ARHGAP26: variants seen among roughly 807,000 people sequenced by gnomAD.
The protein encoded by ARHGAP26 is Rho GTPase activating protein 26.
ARHGAP26 carries 38 observed loss-of-function variants against 104.8 expected under a neutral mutation model. That is an observed-to-expected ratio of 0.36 (90% CI 0.28 to 0.48). The LOEUF is 0.48. Among genes scored for constraint, ARHGAP26 ranks in the 20% least tolerant of loss-of-function variants. ARHGAP26 has a pLI of 0.99. For missense variants in ARHGAP26, 704 were observed against 947.9 expected (o/e 0.74, Z 3.38); for synonymous variants, 341 against 340.0 (o/e 1.00, Z -0.03).
intron 1 of ARHGAP26, among the ~76,000 whole-genome samples, chr5:142,852,678 C>T (rs994941702): frequency 2.0e-5 from 3 of 152,066 alleles, no homozygotes; most frequent in Admixed American, 6.5e-5. Context: ...ATGATTTGGT[C>T]GAGTGTCTTG....
chr5:142,928,233 T>TG (rs1562096554), intron 10 of ARHGAP26, among the ~76,000 whole-genome samples: 27 of 118,584 alleles, frequency 2.3e-4, no homozygotes, highest in East Asian at 1.8e-3. Context: ...GTGTGTGTGT[T>TG]TTTTTTTTTT....
In ARHGAP26 at chr5:142,957,834, C is replaced by G. The variant is rs78228644; in HGVS notation, c.1107+25709C>G. ...ACTGCAAACAGCGCTCTCTCTTTTT[C>G]TCTCTTACCCCTTCCAGTTCTTCCC... On this transcript the variant is annotated intron_variant, in intron 11 of 22. Coordinates refer to ENST00000645722, the MANE Select transcript of ARHGAP26 (RefSeq NM_001135608.3). Among the ~76,000 whole-genome samples the G allele has an allele frequency of 4.0e-5, 6 of 151,814 alleles. No homozygotes were observed. The East Asian group carries it at 1.2e-3, about 29-fold the overall frequency.
intron 20 of ARHGAP26, among the ~76,000 whole-genome samples, chr5:143,183,073 C>CAAAAAAAAAA (rs70991799): frequency 1.1e-5 from 1 of 89,962 alleles, no homozygotes; most frequent in Non-Finnish European, 2.4e-5. Context: ...TGAAAAGTGG[C>CAAAAAAAAAA]AAAAAAAAAA....
chr5:143,219,133 G>A (rs912916997), intron 22 of ARHGAP26, among the ~76,000 whole-genome samples: 3 of 152,260 alleles, frequency 2.0e-5, no homozygotes, highest in Non-Finnish European at 4.4e-5. Flanking sequence ...GCCTGATACA[G>A]TGGGAAGGGA....
At chr5:142,878,516 GATGTGTATGTGTGTGTGTGTGCACGC>G (rs1756460283) in intron 3 of ARHGAP26, among the ~76,000 whole-genome samples, 1 of 147,520 alleles carries the variant, frequency 6.8e-6, no homozygotes, top group Non-Finnish European at 1.5e-5. Flanking sequence ...ACAAGATACT[GATGTGTATGTGTGTGTGTGTGCACGC>G]ATGTGTGTGT....
intron 20 of ARHGAP26, chr5:143,168,977 G>A (rs1046522164): frequency 2.6e-5 from 4 of 152,212 alleles, no homozygotes; most frequent in African/African-American, 9.6e-5. Context: ...AACTGTAAGT[G>A]AACTATGGAA....
At chr5:143,026,308 A>G (rs1781056798) in intron 12 of ARHGAP26, among the ~76,000 whole-genome samples, 1 of 152,224 alleles carries the variant, frequency 6.6e-6, no homozygotes, top group Admixed American at 6.5e-5. Context: ...ATGAAAAGAA[A>G]TTGACAACAA....
chr5:143,096,935 T>C (rs536812353), intron 17 of ARHGAP26, among the ~76,000 whole-genome samples: 1 of 152,300 alleles, frequency 6.6e-6, no homozygotes, highest in South Asian at 2.1e-4. Flanking sequence ...ATCCTCATTC[T>C]AGCCACCTCT....
Position 143,143,650 on chromosome 5 carries a change from G to C in ARHGAP26, c.1838-3581G>C, listed in dbSNP as rs1229823550. Among the ~76,000 whole-genome samples the C allele has an allele frequency of 5.8e-4, 89 of 152,260 alleles. 2 individuals carry two copies. The highest frequency in any genetic ancestry group is 4.4e-5 in the Non-Finnish European group (3 of 68,022). On this transcript the variant is annotated intron_variant, in intron 19 of 22. Coordinates refer to ENST00000645722, the MANE Select transcript of ARHGAP26 (RefSeq NM_001135608.3). ...GTTCCAGCAGCATAAATTTTTGACT[G>C]TGTATTATTCCCTTATATTTAATAT...
chr5:142,943,338 GTATT>G (rs1196732666), intron 11 of ARHGAP26, among the ~76,000 whole-genome samples: 1 of 152,144 alleles, frequency 6.6e-6, no homozygotes, highest in Non-Finnish European at 1.5e-5. Flanking sequence ...ATAGAAATAT[GTATT>G]TATTTCTTAC....
intron 22 of ARHGAP26, among the ~76,000 whole-genome samples, chr5:143,221,424 CA>C (rs56114785): frequency 0.33 from 27,556 of 83,784 alleles, 2,760 homozygotes; most frequent in South Asian, 0.42. Context: ...TGACAGCAAC[CA>C]AAAAAAAAAA....
At chr5:143,014,229 C>G in intron 12 of ARHGAP26, 113 bp downstream of exon 12, 1 of 1,237,664 alleles carries the variant, frequency 8.1e-7, no homozygotes, top group South Asian at 1.2e-5. Flanking sequence ...TGGGTTGGCT[C>G]CAGTTCCCGA....
At chr5:143,187,843 C>G (rs952455889) in intron 20 of ARHGAP26, among the ~76,000 whole-genome samples, 9 of 152,216 alleles carry the variant, frequency 5.9e-5, no homozygotes, top group Admixed American at 5.9e-4. Context: ...ATTTTAGAAG[C>G]AGGACTTCGT....
intron 6 of ARHGAP26, among the ~76,000 whole-genome samples, chr5:142,895,711 A>C (rs1325878338): frequency 2.0e-5 from 3 of 152,134 alleles, no homozygotes; most frequent in African/African-American, 7.2e-5. Context: ...GTGGCCAGGC[A>C]CAGTGGCTCA....
chr5:143,128,775 G>A (rs552805590), intron 18 of ARHGAP26, among the ~76,000 whole-genome samples: 1 of 152,132 alleles, frequency 6.6e-6, no homozygotes, highest in Non-Finnish European at 1.5e-5. Flanking sequence ...TTTGTGTCTC[G>A]AGAAAATGCT....
chr5:142,925,563 C>A (rs1379736769), intron 10 of ARHGAP26, among the ~76,000 whole-genome samples: 1 of 152,184 alleles, frequency 6.6e-6, no homozygotes, highest in African/African-American at 2.4e-5. Context: ...ATTGCATTGT[C>A]CAGGAACTGT....
intron 10 of ARHGAP26, among the ~76,000 whole-genome samples, chr5:142,927,563 T>A (rs963130602): frequency 2.0e-5 from 3 of 152,366 alleles, no homozygotes; most frequent in South Asian, 2.1e-4. Context: ...CAACAGTTTA[T>A]CCATTTATCA....
intron 17 of ARHGAP26, among the ~76,000 whole-genome samples, chr5:143,087,636 C>CCTTT (rs1790778821): frequency 5.8e-5 from 3 of 51,536 alleles, no homozygotes; most frequent in Non-Finnish European, 9.8e-5. Flanking sequence ...CTGGCCCATT[C>CCTTT]TTTTTTTTTT....
intron 11 of ARHGAP26, among the ~76,000 whole-genome samples, chr5:142,941,953 CT>C (rs1766414471): frequency 6.6e-6 from 1 of 151,966 alleles, no homozygotes. Flanking sequence ...CCAGCAGTCA[CT>C]TTGATGGGTA....
Sources: gnomAD v4.1 joint callset for allele counts (sites outside exome capture counted in the v4.1 genomes callset) on GRCh38, gnomAD v4.1.1 for gene constraint, MANE v1.5 for transcripts, NCBI Gene and HGNC (gene_info 2026-07-23, HGNC 2026-07-21) for gene names.